Variants in UBR2 observed in about 807,000 individuals in gnomAD.
UBR2 encodes the protein E3 ubiquitin-protein ligase UBR2.
In UBR2, 92 loss-of-function variants were observed where a neutral mutation model predicts 247.9. The ratio of observed to expected loss-of-function variants is 0.37; its 90% CI spans 0.31 to 0.44. The LOEUF is 0.44. Ranked by LOEUF, UBR2 falls within the 20% of genes least tolerant of loss-of-function variation. The probability of loss-of-function intolerance (pLI) is 1.00; values close to 1 mark genes in which losing one functional copy is unlikely to be tolerated. For missense variants in UBR2, 1,613 were observed against 2,112.6 expected (o/e 0.76, Z 4.64); for synonymous variants, 672 against 693.5 (o/e 0.97, Z 0.49).
chr6:42,607,723 T>TG (rs1268599757), intron 7 of UBR2, among the ~76,000 whole-genome samples: 1 of 137,850 alleles, frequency 7.3e-6, no homozygotes, highest in Non-Finnish European at 1.5e-5. Context: ...TTTTTTTTTT[T>TG]TTTTTTTTTT....
At chr6:42,571,355 A>G (rs137866550) in intron 1 of UBR2, among the ~76,000 whole-genome samples, 151 of 152,212 alleles carry the variant, frequency 9.9e-4, no homozygotes, top group Admixed American at 1.7e-3. Flanking sequence ...ATATAAGGAA[A>G]AAAACTGGTT....
intron 7 of UBR2, among the ~76,000 whole-genome samples, chr6:42,609,762 G>T (rs566910696): frequency 6.6e-6 from 1 of 151,814 alleles, no homozygotes; most frequent in African/African-American, 2.4e-5. Flanking sequence ...AGGCGTGGTG[G>T]CACACACCTG....
chr6:42,614,934 A>G (rs781635557), intron 8 of UBR2, 137 bp from the exon 9 acceptor site: 5 of 607,116 alleles, frequency 8.2e-6, no homozygotes, highest in African/African-American at 1.9e-5. Context: ...AACAGTTAAT[A>G]TGTTTGCCTT....
chr6:42,666,303 C>A, intron 34 of UBR2, 58 bp downstream of exon 34: 2 of 1,434,386 alleles, frequency 1.4e-6, no homozygotes, highest in South Asian at 2.5e-5. Context: ...ATGATTAAGT[C>A]AGCAGTTAGG....
intron 36 of UBR2, among the ~76,000 whole-genome samples, chr6:42,673,024 T>C (rs1235858363): frequency 6.6e-6 from 1 of 152,252 alleles, no homozygotes; most frequent in Non-Finnish European, 1.5e-5. Context: ...ATATTTATGC[T>C]TGATTACAAT....
intron 7 of UBR2, 50 bp from the exon 8 acceptor site, chr6:42,612,118 CCAA>C: frequency 6.9e-7 from 1 of 1,441,070 alleles, no homozygotes; most frequent in Non-Finnish European, 9.3e-7. Flanking sequence ...CTTTGTTCTG[CCAA>C]TAGAATAGCT....
chr6:42,620,366 T>G (rs1204246305), intron 11 of UBR2: 1 of 151,450 alleles, frequency 6.6e-6, no homozygotes, highest in Non-Finnish European at 1.5e-5. Context: ...GTTGTCTGCC[T>G]TTTTCTTACT....
At chr6:42,573,547 A>C (rs748782045) in intron 1 of UBR2, among the ~76,000 whole-genome samples, 187 bp from the exon 2 acceptor site, 18 of 152,192 alleles carry the variant, frequency 1.2e-4, no homozygotes, top group Non-Finnish European at 1.8e-4. Flanking sequence ...TTACACTTAA[A>C]AGTAGGATTT....
chr6:42,685,013 G>A, intron 44 of UBR2, 142 bp downstream of exon 44: 1 of 654,222 alleles, frequency 1.5e-6, no homozygotes, highest in Non-Finnish European at 2.4e-6. Flanking sequence ...GGAGAAAAAA[G>A]GAAAAAAAGA....
chr6:42,653,247 C>A (rs942662135), intron 25 of UBR2, among the ~76,000 whole-genome samples: 1 of 151,974 alleles, frequency 6.6e-6, no homozygotes, highest in Non-Finnish European at 1.5e-5. Flanking sequence ...ACAACATCTG[C>A]GTAATTTCTG....
intron 42 of UBR2, 45 bp downstream of exon 42, chr6:42,679,877 GAACCAAAC>G (rs775737395): frequency 1.4e-6 from 2 of 1,400,864 alleles, no homozygotes; most frequent in Admixed American, 4.2e-5. Flanking sequence ...TAGCTCTATG[GAACCAAAC>G]TTTAGTTATC....
In UBR2 at chr6:42,565,513, T is replaced by G. The variant is rs187882927; in HGVS notation, c.78+1116T>G. Among the ~76,000 whole-genome samples, 448 of 152,268 alleles carry G rather than the reference T, an allele frequency of 2.9e-3. 7 individuals are homozygous for G. The highest frequency in any genetic ancestry group is 6.6e-4 in the Non-Finnish European group (45 of 68,012). On this transcript the variant is annotated intron_variant, in intron 1 of 46. Coordinates refer to ENST00000372901, the MANE Select transcript of UBR2 (RefSeq NM_001363705.2). ...AGTAGAGGTGAAGACTTTAAAGAAA[T>G]ACGTTGTTAAATGCTGAATCTTTGC...
At chr6:42,667,309 C>T (rs1283422796) in intron 34 of UBR2, among the ~76,000 whole-genome samples, 1 of 151,140 alleles carries the variant, frequency 6.6e-6, no homozygotes, top group Non-Finnish European at 1.5e-5. Flanking sequence ...GCTCTCCAGC[C>T]TGGGCGACAG....
intron 3 of UBR2, 44 bp from the exon 4 acceptor site, chr6:42,594,147 C>T: frequency 1.4e-6 from 2 of 1,406,888 alleles, no homozygotes; most frequent in Non-Finnish European, 2.0e-6. Context: ...TGATAGCCCT[C>T]AGTAAATATT....
At chr6:42,671,201 A>G (rs1391292648) in intron 36 of UBR2, among the ~76,000 whole-genome samples, 1 of 151,754 alleles carries the variant, frequency 6.6e-6, no homozygotes, top group Non-Finnish European at 1.5e-5. Context: ...AAAAAAAAAA[A>G]AAAAATTGCA....
At chr6:42,606,008 G>T in intron 6 of UBR2, 149 bp downstream of exon 6, 1 of 679,652 alleles carries the variant, frequency 1.5e-6, no homozygotes, top group Non-Finnish European at 2.3e-6. Flanking sequence ...ACTTTGGGAG[G>T]CCAAGGCAGG....
At chr6:42,640,432 G>GTGTGTGTA (rs1562345251) in intron 16 of UBR2, among the ~76,000 whole-genome samples, 162 bp downstream of exon 16, 4 of 107,570 alleles carry the variant, frequency 3.7e-5, no homozygotes, top group Non-Finnish European at 7.9e-5. Flanking sequence ...GTGTGTGTGT[G>GTGTGTGTA]TGTATAGATA....
At chr6:42,644,812 A>G (rs901245842) in intron 20 of UBR2, among the ~76,000 whole-genome samples, 3 of 152,170 alleles carry the variant, frequency 2.0e-5, no homozygotes, top group Admixed American at 6.5e-5. Flanking sequence ...AGCGGGGGAC[A>G]GGAGAATTTA....
At chr6:42,665,981 A>G (rs1240125920) in intron 33 of UBR2, among the ~76,000 whole-genome samples, 186 bp from the exon 34 acceptor site, 3 of 152,146 alleles carry the variant, frequency 2.0e-5, no homozygotes, top group African/African-American at 7.2e-5. Flanking sequence ...CTATAAGGAA[A>G]AGCATAGTTA....
Sources: gnomAD v4.1 joint callset for allele counts (sites outside exome capture counted in the v4.1 genomes callset) on GRCh38, gnomAD v4.1.1 for gene constraint, MANE v1.5 for transcripts, NCBI Gene and HGNC (gene_info 2026-07-23, HGNC 2026-07-21) for gene names.